Variants in SBNO1 observed in about 807,000 individuals in gnomAD.
SBNO1 encodes strawberry notch homolog 1, also known as protein strawberry notch homolog 1.
A neutral mutation model predicts 173.6 loss-of-function variants in SBNO1; 23 were observed. The ratio of observed to expected loss-of-function variants is 0.13; its 90% CI spans 0.10 to 0.19. The LOEUF is 0.19. Among genes scored for constraint, SBNO1 ranks in the 10% least tolerant of loss-of-function variants. The pLI is 1.00. For synonymous variants in SBNO1, 632 were observed against 571.5 expected (o/e 1.11, Z -1.51); for missense variants, 1,238 against 1,671.2 (o/e 0.74, Z 4.52).
Position 123,293,814 on chromosome 12 carries a change from C to G in SBNO1, c.*2094G>C, listed in dbSNP as rs1225227273. ...ACACAGAAAAGAGGAGTTGGGCCAA[C>G]AGCCTGCGAGAGAAGATCCTTCCCA... On this transcript the variant is annotated 3_prime_UTR_variant, in exon 32 of 32. Transcript: ENST00000602398. The G allele has an allele frequency of 6.6e-6, 1 of 152,212 alleles. No individual in the cohort carries two copies. The highest frequency in any genetic ancestry group is 1.5e-5 in the Non-Finnish European group (1 of 68,036). The allele number at this position is 152,212 out of a possible 1,614,324, so 9.4% of individuals were successfully genotyped here. A position where few individuals can be genotyped will look rare whatever the true frequency, so the allele number is the denominator to read the frequency against.
chr12:123,361,595 G>C (rs995187921), intron 1 of SBNO1, among the ~76,000 whole-genome samples: 4 of 151,484 alleles, frequency 2.6e-5, no homozygotes, highest in Non-Finnish European at 5.9e-5. Flanking sequence ...TTAGCTGGGC[G>C]TGGTGGCGTG....
rs1366969316 is a variant in SBNO1, at chr12:123,292,108, G to C, written c.*3800C>G. On this transcript the variant is annotated 3_prime_UTR_variant, in exon 32 of 32. Transcript: ENST00000602398. ...GTTTCTGCAGCAAAGTGGGCCGAGC[G>C]CAGTACGCACAGGTGTGGTGTTAGC... is the stretch of plus-strand genomic sequence containing the variant. The C allele has an allele frequency of 6.6e-6, 1 of 151,664 alleles. No individual in the cohort carries two copies. Among genetic ancestry groups the C allele is most frequent in the Non-Finnish European group, 1.5e-5 (1 of 67,994 alleles). 9.4% of individuals were successfully genotyped at this position (151,664 alleles called of 1,614,324 possible).
At chr12:123,315,062 G>T (rs2138943834) in intron 23 of SBNO1, among the ~76,000 whole-genome samples, 1 of 152,108 alleles carries the variant, frequency 6.6e-6, no homozygotes, top group East Asian at 1.9e-4. Flanking sequence ...ATTTTATACT[G>T]CCTAGTTCAT....
intron 15 of SBNO1, among the ~76,000 whole-genome samples, chr12:123,324,817 T>A (rs527661660): frequency 1.3e-3 from 203 of 152,204 alleles, no homozygotes; most frequent in Admixed American, 3.0e-3. Context: ...ATTTTATTTT[T>A]TTTTGAGACA....
intron 31 of SBNO1, among the ~76,000 whole-genome samples, chr12:123,296,667 T>C (rs2048608423): frequency 6.6e-6 from 1 of 151,908 alleles, no homozygotes. Context: ...TTGAAGTGAT[T>C]CTCCTGCCTC....
rs1468648831 is a variant in SBNO1 at position 123,364,740 on chromosome 12, G to A, written c.-40C>T. 2 of 987,814 alleles carry A rather than the reference G, an allele frequency of 2.0e-6. No homozygotes were observed. The highest frequency in any genetic ancestry group is 2.4e-6 in the Non-Finnish European group (2 of 831,284). The allele number at this position is 987,814 out of a possible 1,614,324, so 61.2% of individuals were successfully genotyped here. ...CCGGCGCCAGCACAGCTCCTCCCGG[G>A]AGGTGTGAGTTTGAAGGACCAGAGG... is the stretch of plus-strand genomic sequence containing the variant. On this transcript the variant is annotated 5_prime_UTR_variant, in exon 1 of 32. Coordinates refer to ENST00000602398, the MANE Select transcript of SBNO1 (RefSeq NM_001167856.3).
intron 1 of SBNO1, among the ~76,000 whole-genome samples, chr12:123,356,033 C>T (rs753630388): frequency 6.6e-6 from 1 of 152,140 alleles, no homozygotes; most frequent in African/African-American, 2.4e-5. Context: ...AGACCTAAAA[C>T]CAATCTCTAC....
chr12:123,321,600 A>G lies in SBNO1; in HGVS notation c.2258T>C (p.Met753Thr). 1 of 1,613,458 alleles carries G rather than the reference A, an allele frequency of 6.2e-7. No homozygotes were observed. The highest frequency in any genetic ancestry group is 8.5e-7 in the Non-Finnish European group (1 of 1,179,382). ...EESDYESSKNMSSGDDDDFNP... is the reference protein window; with the variant it reads ...EESDYESSKNTSSGDDDDFNP... ...GAAATCGTCATCATCTCCAGAACTC[A>G]TGTTTTTAGAGCTCTCATAGTCACT... The change falls in exon 17 of 32, where the codon ATG becomes ACG. Residue 753 changes from methionine to threonine, a missense_variant. Physicochemically the swap from Met to Thr is moderately conservative, Grantham distance 81. Coordinates refer to ENST00000602398, the MANE Select transcript of SBNO1 (RefSeq NM_001167856.3).
intron 21 of SBNO1, among the ~76,000 whole-genome samples, chr12:123,315,977 T>C (rs955749364): frequency 1.8e-4 from 27 of 152,182 alleles, no homozygotes; most frequent in Admixed American, 2.0e-4. Context: ...GTGAAGCTAC[T>C]GAGGTTGGAA....
chr12:123,338,870 A>G (rs1872171214), intron 5 of SBNO1, among the ~76,000 whole-genome samples: 1 of 15,218 alleles, frequency 6.6e-5, no homozygotes, highest in Non-Finnish European at 1.6e-4. Flanking sequence ...GACACCGTCT[A>G]AACACACACA....
chr12:123,325,613 AAAACATGTTAATTAT>A lies in SBNO1; in HGVS notation c.1876-29_1876-15del, dbSNP rs747876595. The A allele has an allele frequency of 6.8e-7, 1 of 1,478,874 alleles. No homozygotes were observed. The highest frequency in any genetic ancestry group is 9.4e-7 in the Non-Finnish European group (1 of 1,063,496). The allele number at this position is 1,478,874 out of a possible 1,614,324, so 91.6% of individuals were successfully genotyped here. A position where few individuals can be genotyped will look rare whatever the true frequency, so the allele number is the denominator to read the frequency against. ...AATTACAACACACTGGAGAAAAAAG[AAAACATGTTAATTAT>A]GAATAATAATGTTTGTGGCTTCTTA... is the stretch of plus-strand genomic sequence containing the variant. On this transcript the variant is annotated splice_polypyrimidine_tract_variant and intron_variant, in intron 14 of 31. Coordinates refer to ENST00000602398, the MANE Select transcript of SBNO1 (RefSeq NM_001167856.3).
intron 31 of SBNO1, 55 bp downstream of exon 31, chr12:123,297,923 A>G: frequency 6.5e-7 from 1 of 1,540,252 alleles, no homozygotes; most frequent in Non-Finnish European, 8.9e-7. Flanking sequence ...CAATGAGAAA[A>G]AAGTCGGATC....
At chr12:123,299,001 C>T (rs1200644666) in intron 30 of SBNO1, among the ~76,000 whole-genome samples, 1 of 151,836 alleles carries the variant, frequency 6.6e-6, no homozygotes, top group Admixed American at 6.6e-5. Context: ...GGCATGCAGA[C>T]AGCTTGAGAC....
chr12:123,350,853 G>A (rs1226535736), intron 1 of SBNO1, among the ~76,000 whole-genome samples: 1 of 58,724 alleles, frequency 1.7e-5, no homozygotes, highest in African/African-American at 7.4e-5. Flanking sequence ...ATGGCTGGAG[G>A]CCAGATGCCT....
In SBNO1 at chr12:123,364,143, T is replaced by C. The variant is rs1875784537; in HGVS notation, c.-1+558A>G. ...GAGCCTGCACGTGTCCCCCGCGGCTTCCCCACCGCCCCAAGAGCGGGGCAT... is the reference window on the plus strand; with the variant it reads ...GAGCCTGCACGTGTCCCCCGCGGCTCCCCCACCGCCCCAAGAGCGGGGCAT... On this transcript the variant is annotated intron_variant, in intron 1 of 31. Coordinates refer to ENST00000602398, the MANE Select transcript of SBNO1 (RefSeq NM_001167856.3). The C allele has an allele frequency of 3.0e-6, 3 of 985,358 alleles. No individual in the cohort carries two copies. The African/African-American group carries it at 5.2e-5, about 17-fold the overall frequency. 61.0% of individuals were successfully genotyped at this position (985,358 alleles called of 1,614,324 possible).
chr12:123,364,845 C>T lies in SBNO1; in HGVS notation c.-145G>A, dbSNP rs1875971697. 4 of 918,140 alleles carry T rather than the reference C, an allele frequency of 4.4e-6. No individual in the cohort carries two copies. In the South Asian group the frequency reaches 2.0e-4, roughly 46 times the overall value. 56.9% of individuals were successfully genotyped at this position (918,140 alleles called of 1,614,324 possible). A position where few individuals can be genotyped will look rare whatever the true frequency, so the allele number is the denominator to read the frequency against. On this transcript the variant is annotated 5_prime_UTR_variant, in exon 1 of 32. Transcript: ENST00000602398. ...ACCTCCCCGCCGCCATCTTGACGCC[C>T]CTCCCCCAGCCCCCCCGCCCCGCCG...
chr12:123,298,319 C>T (rs12582153), intron 30 of SBNO1, 148 bp from the exon 31 acceptor site: 453,400 of 724,658 alleles, frequency 0.63, 150,450 homozygotes, highest in East Asian at 0.72. Flanking sequence ...CAGACTGGAG[C>T]GCAGTGGTGC....
intron 25 of SBNO1, among the ~76,000 whole-genome samples, chr12:123,310,692 G>A (rs947078319): frequency 6.6e-6 from 1 of 151,828 alleles, no homozygotes; most frequent in Non-Finnish European, 1.5e-5. Context: ...CCGCCACCAG[G>A]CCCGGCTAAT....
chr12:123,363,745 A>T (rs1362609999), intron 1 of SBNO1: 1 of 569,530 alleles, frequency 1.8e-6, no homozygotes, highest in Non-Finnish European at 2.2e-6. Context: ...AGCCTCCCAC[A>T]GTAAACCGAG....
Sources: gnomAD v4.1 joint callset for allele counts (sites outside exome capture counted in the v4.1 genomes callset) on GRCh38, gnomAD v4.1.1 for gene constraint, MANE v1.5 for transcripts, NCBI Gene and HGNC (gene_info 2026-07-23, HGNC 2026-07-21) for gene names.